Variants in SEMA6D observed in about 807,000 individuals in gnomAD.
SEMA6D encodes the protein semaphorin 6D, also known as semaphorin-6D.
Under a neutral mutation model 106.6 loss-of-function variants are expected in SEMA6D, and 35 were observed. The observed-to-expected ratio is 0.33, with a 90% CI of 0.25 to 0.44. SEMA6D has a LOEUF of 0.44. Among genes scored for constraint, SEMA6D ranks in the 20% least tolerant of loss-of-function variants. SEMA6D has a pLI of 1.00. For missense variants in SEMA6D, 1,185 were observed against 1,345.9 expected (o/e 0.88, Z 1.87); for synonymous variants, 499 against 487.7 (o/e 1.02, Z -0.31).
Position 47,742,204 on chromosome 15 carries a change from G to A in SEMA6D, c.-54-17541G>A, listed in dbSNP as rs769246262. On this transcript the variant is annotated intron_variant, in intron 1 of 18. Coordinates refer to ENST00000536845, the MANE Select transcript of SEMA6D (RefSeq NM_001358351.3). The stretch of plus-strand genomic sequence containing the variant: ...GTGATGCAAACTGCAACTAAATAAA[G>A]CAGTGATAATAATACTACTTCTTCA... Among the ~76,000 whole-genome samples the A allele has an allele frequency of 2.6e-5, 4 of 152,296 alleles. No homozygotes were observed. In the South Asian group the frequency reaches 8.3e-4, roughly 32 times the overall value.
intron 1 of SEMA6D, among the ~76,000 whole-genome samples, chr15:47,732,049 C>T (rs1007812174): frequency 9.2e-5 from 14 of 152,132 alleles, no homozygotes; most frequent in African/African-American, 3.1e-4. Flanking sequence ...AGAAAATATT[C>T]TTAAAGAGAT....
intron 3 of SEMA6D, among the ~76,000 whole-genome samples, chr15:47,496,383 C>T (rs946444042): frequency 2.0e-5 from 3 of 152,064 alleles, no homozygotes; most frequent in Admixed American, 6.6e-5. Context: ...TTACCTCATT[C>T]AAGATCCACC....
rs112760287 is a variant in SEMA6D, at chr15:47,204,876, A to G, written c.-239+20458A>G. ...GTTAAACTTGTTAAAGTATGGGCCT[A>G]TGTAGAATTTTTCAGGTAAAGGGAT... On this transcript the variant is annotated intron_variant, in intron 1 of 19. Coordinates refer to the SEMA6D transcript ENST00000558014. Among the ~76,000 whole-genome samples, 66 of 152,296 alleles carry G rather than the reference A, an allele frequency of 4.3e-4. 1 individual carries two copies. Among genetic ancestry groups the G allele is most frequent in the African/African-American group, 1.5e-3 (62 of 41,592 alleles).
chr15:47,631,269 G>A (rs1215110828), intron 4 of SEMA6D, among the ~76,000 whole-genome samples: 1 of 151,800 alleles, frequency 6.6e-6, no homozygotes, highest in Non-Finnish European at 1.5e-5. Context: ...TTCTGTAATG[G>A]TTATAAGACT....
chr15:47,445,604 T>A (rs2042005622), intron 2 of SEMA6D, among the ~76,000 whole-genome samples: 1 of 152,106 alleles, frequency 6.6e-6, no homozygotes, highest in Non-Finnish European at 1.5e-5. Context: ...AGCACTAATT[T>A]TAGCCCCTGC....
At chr15:47,370,028 C>T (rs906200255) in intron 1 of SEMA6D, among the ~76,000 whole-genome samples, 1 of 152,294 alleles carries the variant, frequency 6.6e-6, no homozygotes, top group Middle Eastern at 3.4e-3. Context: ...CCTGATTATA[C>T]AGCCAGTAAG....
intron 2 of SEMA6D, among the ~76,000 whole-genome samples, chr15:47,442,798 G>A (rs1219479102): frequency 6.6e-6 from 1 of 152,026 alleles, no homozygotes; most frequent in Admixed American, 6.6e-5. Context: ...ACCTTTTGTG[G>A]GTGTTGATTC....
At chr15:47,211,674 C>T (rs1229143358) in intron 1 of SEMA6D, among the ~76,000 whole-genome samples, 2 of 151,818 alleles carry the variant, frequency 1.3e-5, no homozygotes, top group Non-Finnish European at 2.9e-5. Flanking sequence ...CTGTCATGAC[C>T]TTTTATCAAA....
At chr15:47,375,793 A>T (rs1469958810) in intron 1 of SEMA6D, among the ~76,000 whole-genome samples, 1 of 152,246 alleles carries the variant, frequency 6.6e-6, no homozygotes, top group Non-Finnish European at 1.5e-5. Context: ...TGGAATTTTT[A>T]TGCATTGAAA....
At chr15:47,636,650 A>G (rs778577497) in intron 4 of SEMA6D, among the ~76,000 whole-genome samples, 1 of 152,098 alleles carries the variant, frequency 6.6e-6, no homozygotes, top group African/African-American at 2.4e-5. Flanking sequence ...CTAACATCAC[A>G]GCGAAGGCAA....
At chr15:47,353,673 A>G (rs2038420847) in intron 1 of SEMA6D, among the ~76,000 whole-genome samples, 1 of 152,128 alleles carries the variant, frequency 6.6e-6, no homozygotes, top group South Asian at 2.1e-4. Context: ...AAACTGCTGG[A>G]GCCTGGGGAA....
chr15:47,236,618 G>T (rs2032560735), intron 1 of SEMA6D, among the ~76,000 whole-genome samples: 1 of 152,070 alleles, frequency 6.6e-6, no homozygotes, highest in Non-Finnish European at 1.5e-5. Context: ...AAATAATTCT[G>T]CCTGTCTTCA....
intron 1 of SEMA6D, among the ~76,000 whole-genome samples, chr15:47,287,708 A>C (rs186700585): frequency 6.6e-6 from 1 of 152,342 alleles, no homozygotes; most frequent in African/African-American, 2.4e-5. Context: ...TAAGCTTAAA[A>C]AATCAGGGGC....
At chr15:47,611,045 G>A (rs990311581) in intron 4 of SEMA6D, among the ~76,000 whole-genome samples, 3 of 152,100 alleles carry the variant, frequency 2.0e-5, no homozygotes, top group African/African-American at 7.2e-5. Context: ...GCAGCACCTA[G>A]TGGTGAGAAC....
At chr15:47,406,337 C>T (rs2040566644) in intron 1 of SEMA6D, among the ~76,000 whole-genome samples, 1 of 152,124 alleles carries the variant, frequency 6.6e-6, no homozygotes. Flanking sequence ...CTGCTGGTAG[C>T]TGTTTGACCT....
At chr15:47,274,374 G>A (rs1005764083) in intron 1 of SEMA6D, 3 of 152,094 alleles carry the variant, frequency 2.0e-5, no homozygotes, top group Admixed American at 6.6e-5. Context: ...TCATTAACCA[G>A]TATATAAAGA....
chr15:47,331,942 T>C (rs541026425), intron 1 of SEMA6D, among the ~76,000 whole-genome samples: 13 of 152,170 alleles, frequency 8.5e-5, no homozygotes, highest in Non-Finnish European at 1.8e-4. Context: ...GTCATTTACA[T>C]GGTCTTGGAA....
At chr15:47,428,547 G>T (rs2140504368) in intron 2 of SEMA6D, among the ~76,000 whole-genome samples, 1 of 90,172 alleles carries the variant, frequency 1.1e-5, no homozygotes. Context: ...GCCAAGGTAG[G>T]TGGATTGCTT....
At chr15:47,327,450 C>A (rs2037175706) in intron 1 of SEMA6D, among the ~76,000 whole-genome samples, 1 of 152,042 alleles carries the variant, frequency 6.6e-6, no homozygotes, top group African/African-American at 2.4e-5. Flanking sequence ...TGAGCAGGCA[C>A]CTATATGTTT....
Sources: gnomAD v4.1 joint callset for allele counts (sites outside exome capture counted in the v4.1 genomes callset) on GRCh38, gnomAD v4.1.1 for gene constraint, MANE v1.5 for transcripts, NCBI Gene and HGNC (gene_info 2026-07-23, HGNC 2026-07-21) for gene names.